DLGAP2: variants seen among roughly 807,000 people sequenced by gnomAD.
DLGAP2 encodes DLG associated protein 2.
In DLGAP2, 26 loss-of-function variants were observed where a neutral mutation model predicts 100.3. The observed-to-expected ratio is 0.26, with a 90% confidence interval of 0.19 to 0.36. The LOEUF (loss-of-function observed/expected upper bound fraction) is 0.36. Ranked by LOEUF, DLGAP2 falls within the 10% of genes least tolerant of loss-of-function variation. The pLI is 1.00. For synonymous variants in DLGAP2, 886 were observed against 630.1 expected, an observed-to-expected ratio of 1.41 and a Z score of -6.08; for missense variants, 1,858 against 1,453.2, an observed-to-expected ratio of 1.28 and a Z score of -4.53.
intron 3 of DLGAP2, among the ~76,000 whole-genome samples, chr8:1,436,590 T>C (rs1226548331): frequency 6.6e-6 from 1 of 152,198 alleles, no homozygotes; most frequent in Non-Finnish European, 1.5e-5. Flanking sequence ...ACCATCACAG[T>C]ATGCTAAGGT....
intron 3 of DLGAP2, among the ~76,000 whole-genome samples, chr8:1,283,368 A>T (rs187381961): frequency 6.6e-6 from 1 of 152,148 alleles, no homozygotes; most frequent in East Asian, 1.9e-4. Context: ...CGTCCCCTCA[A>T]TGGCGCCCAG....
At chr8:826,671 CT>C (rs1375772338) in intron 1 of DLGAP2, among the ~76,000 whole-genome samples, 1 of 152,090 alleles carries the variant, frequency 6.6e-6, no homozygotes, top group Non-Finnish European at 1.5e-5. Flanking sequence ...CCCGCGCCCC[CT>C]CTCGCAGCCT....
At chr8:901,461 C>A (rs1050038829) in intron 1 of DLGAP2, among the ~76,000 whole-genome samples, 2 of 152,152 alleles carry the variant, frequency 1.3e-5, no homozygotes, top group Non-Finnish European at 2.9e-5. Context: ...TGTGGAAACA[C>A]CTTTTGGTTG....
intron 6 of DLGAP2, among the ~76,000 whole-genome samples, chr8:1,601,306 T>C (rs1247358665): frequency 6.6e-6 from 1 of 152,172 alleles, no homozygotes; most frequent in African/African-American, 2.4e-5. Context: ...GATGTGTCTG[T>C]TGATCCCTGC....
chr8:1,286,956 G>A (rs542930099), intron 3 of DLGAP2, among the ~76,000 whole-genome samples: 25 of 152,344 alleles, frequency 1.6e-4, no homozygotes, highest in Middle Eastern at 6.8e-3. Context: ...AGTTATTTTA[G>A]GCAGTTATAA....
intron 3 of DLGAP2, among the ~76,000 whole-genome samples, chr8:1,383,078 G>A (rs1796134072): frequency 6.6e-6 from 1 of 152,256 alleles, no homozygotes; most frequent in African/African-American, 2.4e-5. Flanking sequence ...TCAGGTGGAT[G>A]TGCATCGCCA....
chr8:1,290,943 T>C (rs143604055), intron 3 of DLGAP2, among the ~76,000 whole-genome samples: 2 of 152,314 alleles, frequency 1.3e-5, no homozygotes, highest in East Asian at 3.9e-4. Context: ...ATTCACAATA[T>C]TGTACAACCA....
At chr8:1,239,617 C>CG (rs1798739774) in intron 2 of DLGAP2, among the ~76,000 whole-genome samples, 1 of 68,946 alleles carries the variant, frequency 1.5e-5, no homozygotes, top group Non-Finnish European at 2.7e-5. Flanking sequence ...GTGTCTAGTT[C>CG]TCTCACATGG....
rs527631789 is a variant in DLGAP2 at position 1,187,358 on chromosome 8, C to T, written c.74-71493C>T. 2.9e-3 allele frequency among the ~76,000 whole-genome samples: 415 copies of T among 141,122 alleles called. 3 individuals carry two copies. The highest frequency in any genetic ancestry group is 0.011 in the African/African-American group (395 of 35,566). 92.6% of individuals were successfully genotyped at this position (141,122 alleles called of 152,430 possible). A position where few individuals can be genotyped will look rare whatever the true frequency, so the allele number is the denominator to read the frequency against. On this transcript the variant is annotated intron_variant, in intron 2 of 14. Transcript: ENST00000637795. The stretch of plus-strand genomic sequence containing the variant: ...CAGGACCTCTGTGACGTTTCCCTCA[C>T]GGAATCTCACACGCCCGGGACCTCC...
chr8:1,521,093 C>G (rs1249831062), intron 4 of DLGAP2, among the ~76,000 whole-genome samples: 2 of 150,900 alleles, frequency 1.3e-5, no homozygotes, highest in African/African-American at 4.9e-5. Context: ...TTGGAATACT[C>G]GGGCGGGAGG....
chr8:1,192,606 T>C (rs1797663485), intron 2 of DLGAP2, among the ~76,000 whole-genome samples: 3 of 151,116 alleles, frequency 2.0e-5, no homozygotes, highest in African/African-American at 7.3e-5. Context: ...CTGAGTGTCT[T>C]GGATGCATCA....
At chr8:1,455,991 G>C (rs564344400) in intron 3 of DLGAP2, among the ~76,000 whole-genome samples, 1 of 152,330 alleles carries the variant, frequency 6.6e-6, no homozygotes, top group African/African-American at 2.4e-5. Context: ...GTCTTAAAAA[G>C]ACCTGATGCC....
At chr8:1,177,035 C>T (rs745381118) in intron 2 of DLGAP2, among the ~76,000 whole-genome samples, 2 of 152,134 alleles carry the variant, frequency 1.3e-5, no homozygotes, top group East Asian at 1.9e-4. Context: ...TCGTTGATGT[C>T]GCATTAACAC....
chr8:1,560,610 C>T (rs780337177), intron 5 of DLGAP2, among the ~76,000 whole-genome samples: 4 of 152,220 alleles, frequency 2.6e-5, no homozygotes, highest in East Asian at 3.9e-4. Context: ...GGCCTCCAGT[C>T]ATCTCCAGAA....
chr8:1,046,315 T>C (rs1369922166), intron 2 of DLGAP2, among the ~76,000 whole-genome samples: 1 of 152,224 alleles, frequency 6.6e-6, no homozygotes, highest in Non-Finnish European at 1.5e-5. Context: ...AAAGTGTGCA[T>C]GTGACCGAGG....
rs75239953 is a variant in DLGAP2, at chr8:1,367,988, C to G, written c.106+109105C>G. On this transcript the variant is annotated intron_variant, in intron 3 of 14. Coordinates refer to ENST00000637795, the MANE Select transcript of DLGAP2 (RefSeq NM_001346810.2). ...GGCTTTGCCGTCAGGATTCACCTCC[C>G]TCCTCAGTCACCAGATGGGGACTGA... is the stretch of plus-strand genomic sequence containing the variant. Among the ~76,000 whole-genome samples the G allele has an allele frequency of 4.0e-3, 610 of 152,336 alleles. 3 individuals carry two copies. The highest frequency in any genetic ancestry group is 0.014 in the African/African-American group (579 of 41,576).
At chr8:1,452,733 G>A (rs1454647722) in intron 3 of DLGAP2, among the ~76,000 whole-genome samples, 1 of 152,116 alleles carries the variant, frequency 6.6e-6, no homozygotes, top group Non-Finnish European at 1.5e-5. Context: ...AGCAGCCGGG[G>A]TCAGGCTGGG....
chr8:892,369 A>G (rs1043394073), intron 1 of DLGAP2, among the ~76,000 whole-genome samples: 1 of 152,182 alleles, frequency 6.6e-6, no homozygotes, highest in African/African-American at 2.4e-5. Context: ...AGTCAGCCTC[A>G]AAGAGGAACG....
chr8:1,244,352 T>A (rs1019714083), intron 2 of DLGAP2, among the ~76,000 whole-genome samples: 1 of 152,266 alleles, frequency 6.6e-6, no homozygotes, highest in African/African-American at 2.4e-5. Context: ...CACTATTGGC[T>A]GAGCACATGT....
Sources: allele counts gnomAD v4.1 joint callset (sites outside exome capture counted in the v4.1 genomes callset), GRCh38; gene constraint gnomAD v4.1.1; transcripts MANE v1.5; gene names NCBI Gene and HGNC (gene_info 2026-07-23, HGNC 2026-07-21).